THEMIS: variants seen among roughly 807,000 people sequenced by gnomAD.
The protein encoded by THEMIS is protein THEMIS.
THEMIS carries 37 observed loss-of-function variants against 52.6 expected under a neutral mutation model. The observed-to-expected ratio is 0.70, with a 90% CI of 0.54 to 0.93. The LOEUF (loss-of-function observed/expected upper bound fraction) is 0.93. THEMIS is among the 40% of genes least tolerant of loss of function. The pLI, the probability that THEMIS is intolerant of heterozygous loss-of-function variation, is 0.00. For missense variants in THEMIS, 808 were observed against 763.1 expected, an observed-to-expected ratio of 1.06 and a Z score of -0.69; for synonymous variants, 292 against 272.7, an observed-to-expected ratio of 1.07 and a Z score of -0.70.
intron 1 of THEMIS, among the ~76,000 whole-genome samples, chr6:127,885,887 C>T (rs1045893028): frequency 6.6e-6 from 1 of 152,030 alleles, no homozygotes; most frequent in Non-Finnish European, 1.5e-5. Flanking sequence ...GGCTCATGCT[C>T]TCTAAATTCA....
rs188005845 is a variant in THEMIS, at chr6:127,725,350, G to A, written c.1759-5527C>T. Reference sequence around the variant, plus strand: ...ACATAAATAAAAGAGAATAAAAATCGAATCACATCAAATACAGGCTTGCTG... The same window carrying A: ...ACATAAATAAAAGAGAATAAAAATCAAATCACATCAAATACAGGCTTGCTG... On this transcript the variant is annotated intron_variant, in intron 4 of 5. Coordinates refer to ENST00000368248, the MANE Select transcript of THEMIS (RefSeq NM_001010923.3). 1.2e-4 allele frequency among the ~76,000 whole-genome samples: 18 copies of A among 151,918 alleles called. No individual in the cohort carries two copies. The South Asian group carries it at 1.9e-3, about 16-fold the overall frequency.
At chr6:127,799,156 A>G (rs1291879984) in intron 4 of THEMIS, among the ~76,000 whole-genome samples, 2 of 152,190 alleles carry the variant, frequency 1.3e-5, no homozygotes, top group African/African-American at 4.8e-5. Flanking sequence ...ACAGGCGATA[A>G]ACTATTGAAA....
chr6:127,741,682 T>C (rs9491858), intron 4 of THEMIS, among the ~76,000 whole-genome samples: 71,837 of 151,978 alleles, frequency 0.47, 17,925 homozygotes, highest in Non-Finnish European at 0.53. Context: ...CTTTGCTGCA[T>C]CAGCTTATTC....
intron 4 of THEMIS, among the ~76,000 whole-genome samples, chr6:127,778,022 A>G (rs1776622278): frequency 1.3e-5 from 2 of 152,190 alleles, no homozygotes; most frequent in Admixed American, 1.3e-4. Flanking sequence ...ACAAATGTAC[A>G]AATGCAGAAA....
intron 2 of THEMIS, among the ~76,000 whole-genome samples, chr6:127,832,371 A>C (rs1778724406): frequency 6.6e-6 from 1 of 152,190 alleles, no homozygotes; most frequent in Non-Finnish European, 1.5e-5. Flanking sequence ...CAATATAGGA[A>C]AAATATTTGA....
chr6:127,737,513 C>G (rs1230340080), intron 4 of THEMIS, among the ~76,000 whole-genome samples: 1 of 152,162 alleles, frequency 6.6e-6, no homozygotes, highest in Non-Finnish European at 1.5e-5. Flanking sequence ...GTATTCTCAT[C>G]TAATCTTAGC....
chr6:127,754,229 TC>T (rs1408545089), intron 4 of THEMIS, among the ~76,000 whole-genome samples: 13 of 152,218 alleles, frequency 8.5e-5, no homozygotes, highest in Non-Finnish European at 1.0e-4. Flanking sequence ...GGAGACTTTT[TC>T]TACAAAGCAT....
At chr6:127,808,866 T>A (rs759620492) in intron 4 of THEMIS, among the ~76,000 whole-genome samples, 13 of 152,226 alleles carry the variant, frequency 8.5e-5, no homozygotes, top group Non-Finnish European at 1.6e-4. Flanking sequence ...CCTGTCCTCA[T>A]ATATTCTTAA....
At chr6:127,838,951 G>T (rs1219759970) in intron 2 of THEMIS, among the ~76,000 whole-genome samples, 2 of 152,040 alleles carry the variant, frequency 1.3e-5, no homozygotes. Flanking sequence ...TTGATTTTCT[G>T]TAAGCAACAT....
chr6:127,820,941 T>C (rs1252806878), intron 3 of THEMIS, among the ~76,000 whole-genome samples: 1 of 152,002 alleles, frequency 6.6e-6, no homozygotes, highest in Non-Finnish European at 1.5e-5. Flanking sequence ...TTCATTAATT[T>C]TTATGGCAAA....
At chr6:127,870,024 G>T (rs1780108084) in intron 1 of THEMIS, among the ~76,000 whole-genome samples, 1 of 152,106 alleles carries the variant, frequency 6.6e-6, no homozygotes, top group African/African-American at 2.4e-5. Context: ...TAAAGAGCTG[G>T]GTCTTACATC....
intron 4 of THEMIS, among the ~76,000 whole-genome samples, chr6:127,757,757 A>C (rs1165430581): frequency 1.3e-5 from 2 of 152,194 alleles, no homozygotes; most frequent in Non-Finnish European, 2.9e-5. Flanking sequence ...TGCTGGGATT[A>C]CAGGCATGAA....
At chr6:127,768,324 C>T (rs1301583347) in intron 4 of THEMIS, among the ~76,000 whole-genome samples, 2 of 152,132 alleles carry the variant, frequency 1.3e-5, no homozygotes, top group Admixed American at 6.5e-5. Context: ...ACTGTGTTTC[C>T]GGATTTGTTA....
chr6:127,767,073 T>C (rs975190886), intron 4 of THEMIS, among the ~76,000 whole-genome samples: 2 of 152,090 alleles, frequency 1.3e-5, no homozygotes, highest in Admixed American at 6.6e-5. Flanking sequence ...GCTGTACAGA[T>C]GTACAAAAAT....
chr6:127,702,523 T>A, the THEMIS span, among the ~76,000 whole-genome samples: 89 of 152,314 alleles, frequency 5.8e-4, no homozygotes, highest in Middle Eastern at 3.4e-3. Flanking sequence ...TTTTAACACC[T>A]CTTTTCCACT....
intron 3 of THEMIS, among the ~76,000 whole-genome samples, chr6:127,824,873 G>A (rs893486390): frequency 1.3e-5 from 2 of 152,086 alleles, no homozygotes; most frequent in South Asian, 2.1e-4. Flanking sequence ...TGCAGTGAGC[G>A]GAGATTGCGC....
chr6:127,765,602 G>C (rs375090366), intron 4 of THEMIS, among the ~76,000 whole-genome samples: 6 of 152,040 alleles, frequency 3.9e-5, no homozygotes, highest in African/African-American at 1.4e-4. Flanking sequence ...TTACATTTCA[G>C]TCAAAGAACC....
intron 3 of THEMIS, among the ~76,000 whole-genome samples, chr6:127,826,773 A>T (rs1216433992): frequency 6.6e-6 from 1 of 152,172 alleles, no homozygotes; most frequent in African/African-American, 2.4e-5. Flanking sequence ...GATGTGACTT[A>T]CATAAGACTA....
At chr6:127,913,995 AT>A (rs1289048787) in intron 1 of THEMIS, among the ~76,000 whole-genome samples, 6 of 152,190 alleles carry the variant, frequency 3.9e-5, no homozygotes, top group African/African-American at 1.4e-4. Context: ...TTCTTTTAAG[AT>A]TTTGGAATAT....
Sources: allele counts gnomAD v4.1 joint callset (sites outside exome capture counted in the v4.1 genomes callset), GRCh38; gene constraint gnomAD v4.1.1; transcripts MANE v1.5; gene names NCBI Gene and HGNC (gene_info 2026-07-23, HGNC 2026-07-21).